The following ESYT3 variants were observed in gnomAD, a reference collection of about 807,000 sequenced individuals.
ESYT3 encodes the protein extended synaptotagmin-3.
Under a neutral mutation model 111.5 loss-of-function variants are expected in ESYT3, and 101 were observed. That is an observed-to-expected ratio of 0.91 (90% CI 0.77 to 1.07). The LOEUF (loss-of-function observed/expected upper bound fraction) is 1.07, where lower values mean the gene tolerates loss of function less well. Ranked by LOEUF, ESYT3 falls within the 50% of genes least tolerant of loss-of-function variation. The pLI is 0.00. For synonymous variants in ESYT3, 416 were observed against 446.8 expected, an observed-to-expected ratio of 0.93 and a Z score of 0.87; for missense variants, 1,097 against 1,109.4, an observed-to-expected ratio of 0.99 and a Z score of 0.16.
At chr3:138,460,585 C>G (rs754452861) in intron 6 of ESYT3, 26 bp from the exon 7 acceptor site, 1 of 1,613,638 alleles carries the variant, frequency 6.2e-7, no homozygotes, top group South Asian at 1.1e-5. Context: ...CCTTTCCAGC[C>G]TAATAGCTTC....
chr3:138,471,091 T>G, intron 17 of ESYT3, 65 bp downstream of exon 17: 2 of 1,381,610 alleles, frequency 1.4e-6, no homozygotes, highest in Non-Finnish European at 2.0e-6. Flanking sequence ...CAAGGTGTAC[T>G]GCCCCAGCAC....
intron 1 of ESYT3, among the ~76,000 whole-genome samples, chr3:138,450,168 T>C (rs1317732299): frequency 3.9e-5 from 6 of 151,914 alleles, no homozygotes; most frequent in African/African-American, 1.2e-4. Context: ...ACAGAAAAGG[T>C]AAAGGTGGTT....
At position 138,468,851 on chromosome 3, in the gene ESYT3, T is replaced by G; in HGVS notation, c.1404T>G (p.Tyr468Ter). 6.2e-7 allele frequency: 1 copy of G among 1,614,188 alleles called. No individual in the cohort carries two copies. The highest frequency in any genetic ancestry group is 8.5e-7 in the Non-Finnish European group (1 of 1,180,028). ...CTTTTGACTACCTGAATGGTGAATATCGAGCCAAAAAACTCTCCAGGTTTG... is the reference window on the plus strand; with the variant it reads ...CTTTTGACTACCTGAATGGTGAATAGCGAGCCAAAAAACTCTCCAGGTTTG... ...RNPFDYLNGE[Y>*]RAKKLSRFAR... The change falls in exon 14 of 23, where the codon TAT becomes TAG. Residue 468 changes from tyrosine to a stop codon, truncating the protein, a stop_gained. Coordinates refer to ENST00000389567, the MANE Select transcript of ESYT3 (RefSeq NM_031913.5). LOFTEE classifies it high-confidence loss of function.
At chr3:138,443,702 C>G (rs2031324664) in intron 1 of ESYT3, among the ~76,000 whole-genome samples, 1 of 150,426 alleles carries the variant, frequency 6.6e-6, no homozygotes, top group African/African-American at 2.5e-5. Context: ...TTGTGTGTGT[C>G]TGCGTGTGTG....
intron 1 of ESYT3, among the ~76,000 whole-genome samples, chr3:138,438,515 G>A (rs1393016858): frequency 1.3e-5 from 2 of 152,194 alleles, no homozygotes; most frequent in Non-Finnish European, 2.9e-5. Flanking sequence ...AGGCGGGGAT[G>A]CCATCCTTCC....
chr3:138,451,655 C>T (rs1467453520), intron 1 of ESYT3, among the ~76,000 whole-genome samples: 3 of 152,188 alleles, frequency 2.0e-5, no homozygotes, highest in Non-Finnish European at 2.9e-5. Context: ...CCTTCCATGT[C>T]CTCTCCCACC....
rs1221375553 is a variant in ESYT3, at chr3:138,477,091, C to G, written c.*237C>G. ...TTTGGTTGGATTTTTTTGTTCAAGT[C>G]CAGAAAGAAATGTTATATTTGTGCC... On this transcript the variant is annotated 3_prime_UTR_variant, in exon 23 of 23. Coordinates refer to ENST00000389567, the MANE Select transcript of ESYT3 (RefSeq NM_031913.5). The G allele has an allele frequency of 2.5e-6, 1 of 404,776 alleles. No individual in the cohort carries two copies. The highest frequency in any genetic ancestry group is 2.1e-5 in the African/African-American group (1 of 48,242). 25.1% of individuals were successfully genotyped at this position (404,776 alleles called of 1,614,324 possible).
At chr3:138,480,613 T>G (rs2033671330), downstream of ESYT3, 1 of 152,212 alleles carries the variant, frequency 6.6e-6, no homozygotes, top group African/African-American at 2.4e-5. Flanking sequence ...ATGAATACAT[T>G]CAACAACCCC....
At chr3:138,462,441 C>T (rs1303131795) in intron 8 of ESYT3, 1 of 579,246 alleles carries the variant, frequency 1.7e-6, no homozygotes, top group African/African-American at 1.9e-5. Context: ...TGGAATATTT[C>T]CTCTGTTTGT....
At chr3:138,474,740 T>C (rs1402663058) in intron 20 of ESYT3, 1 of 158,030 alleles carries the variant, frequency 6.3e-6, no homozygotes. Context: ...TTGAAGCTCT[T>C]TGGCCTGTCT....
intron 1 of ESYT3, among the ~76,000 whole-genome samples, chr3:138,438,880 A>G (rs1003454744): frequency 6.6e-6 from 1 of 152,216 alleles, no homozygotes; most frequent in Non-Finnish European, 1.5e-5. Context: ...TGGCCTGACG[A>G]CATGGGGAAG....
Position 138,468,135 on chromosome 3 carries a change from CG to C in ESYT3, c.1251del (p.Leu418CysfsTer17). On this transcript the variant is annotated frameshift_variant, in exon 12 of 23. Coordinates refer to ENST00000389567, the MANE Select transcript of ESYT3 (RefSeq NM_031913.5). LOFTEE classifies it high-confidence loss of function. Reference protein sequence around the residue: ...WFVLNDTTSGRLHLRLEWLSL... With the variant: ...WFVLNDTTSGXLHLRLEWLSL... ...TGTCCTGAATGACACAACCAGCGGG[CG>C]GCTGCACCTGCGGCTGGAGTGGCTT... is the stretch of plus-strand genomic sequence containing the variant. 6.2e-7 allele frequency: 1 copy of C among 1,614,152 alleles called. No homozygotes were observed. The highest frequency in any genetic ancestry group is 8.5e-7 in the Non-Finnish European group (1 of 1,180,024).
intron 10 of ESYT3, among the ~76,000 whole-genome samples, chr3:138,465,968 C>A (rs1019296892): frequency 1.3e-5 from 2 of 152,218 alleles, no homozygotes; most frequent in African/African-American, 4.8e-5. Flanking sequence ...AAAAAGAACA[C>A]CCCCATCCCC....
intron 1 of ESYT3, among the ~76,000 whole-genome samples, chr3:138,442,096 G>A (rs1357987831): frequency 2.7e-5 from 4 of 150,226 alleles, no homozygotes; most frequent in South Asian, 2.1e-4. Context: ...TAACATAACT[G>A]GTTATAAAAT....
At chr3:138,438,460 A>T (rs1199180629) in intron 1 of ESYT3, among the ~76,000 whole-genome samples, 3 of 152,144 alleles carry the variant, frequency 2.0e-5, no homozygotes, top group Non-Finnish European at 4.4e-5. Context: ...TCTAATTTGC[A>T]CCAACTCCCT....
At chr3:138,457,912 T>A (rs2032388985) in intron 4 of ESYT3, among the ~76,000 whole-genome samples, 2 of 151,904 alleles carry the variant, frequency 1.3e-5, no homozygotes, top group African/African-American at 4.8e-5. Context: ...GGAGCAAGTG[T>A]GATAAGAAGA....
In ESYT3 at chr3:138,434,770, C is replaced by A. The variant is rs1402292859; in HGVS notation, c.-29C>A. 1 of 1,503,994 alleles carries A rather than the reference C, an allele frequency of 6.6e-7. No individual in the cohort carries two copies. The highest frequency in any genetic ancestry group is 2.2e-5 in the Admixed American group (1 of 45,522). 93.2% of individuals were successfully genotyped at this position (1,503,994 alleles called of 1,614,324 possible). ...TGCGGACCTAAGCTCGGGTGAAGCTCTCGGGAAGGGCAAGACTGCGGCGAC... is the reference window on the plus strand; with the variant it reads ...TGCGGACCTAAGCTCGGGTGAAGCTATCGGGAAGGGCAAGACTGCGGCGAC... On this transcript the variant is annotated 5_prime_UTR_variant, in exon 1 of 23. Transcript: ENST00000389567.
intron 2 of ESYT3, among the ~76,000 whole-genome samples, chr3:138,453,034 C>T (rs1204062840): frequency 1.3e-5 from 2 of 152,200 alleles, no homozygotes; most frequent in Non-Finnish European, 2.9e-5. Flanking sequence ...GCTTGAGCAA[C>T]ATAGCAAGAC....
intron 12 of ESYT3, 80 bp from the exon 13 acceptor site, chr3:138,468,575 G>C: frequency 6.8e-7 from 1 of 1,462,756 alleles, no homozygotes; most frequent in South Asian, 1.1e-5. Flanking sequence ...GCTTTCTTCT[G>C]CCATGAGTAG....
Sources: allele counts gnomAD v4.1 joint callset (sites outside exome capture counted in the v4.1 genomes callset), GRCh38; gene constraint gnomAD v4.1.1; transcripts MANE v1.5; gene names NCBI Gene and HGNC (gene_info 2026-07-23, HGNC 2026-07-21).